TMEM130: variants seen among roughly 807,000 people sequenced by gnomAD.
TMEM130 encodes the protein transmembrane protein 130.
TMEM130 carries 37 observed loss-of-function variants against 42.9 expected under a neutral mutation model. The observed-to-expected ratio is 0.86, with a 90% CI of 0.66 to 1.13. TMEM130 has a LOEUF of 1.13. Among genes scored for constraint, TMEM130 ranks in the 50% most tolerant of loss-of-function variants. The probability of loss-of-function intolerance (pLI) is 0.00; values close to 1 mark genes in which losing one functional copy is unlikely to be tolerated. For missense variants in TMEM130, 545 were observed against 562.6 expected (o/e 0.97, Z 0.32); for synonymous variants, 259 against 237.7 (o/e 1.09, Z -0.82).
At chr7:98,849,785 C>T (rs1195839398) in intron 6 of TMEM130, among the ~76,000 whole-genome samples, 4 of 152,122 alleles carry the variant, frequency 2.6e-5, no homozygotes, top group African/African-American at 9.7e-5. Flanking sequence ...AGTCTTGTTG[C>T]CTCCCTGTGC....
At chr7:98,864,570 C>A (rs1367686644) in intron 1 of TMEM130, among the ~76,000 whole-genome samples, 4 of 151,878 alleles carry the variant, frequency 2.6e-5, no homozygotes, top group African/African-American at 9.7e-5. Context: ...TGGATTCCTC[C>A]TCTCCTCACT....
At position 98,859,879 on chromosome 7, in the gene TMEM130, C is replaced by T. The variant is rs2116107107; in HGVS notation, c.551+300G>A. ...TAGCCTGGCCAACATGGTGAAACCC[C>T]ATCTCTACTAAAAAAAATAAAAATA... is the stretch of plus-strand genomic sequence containing the variant. On this transcript the variant is annotated intron_variant, in intron 3 of 7. Transcript: ENST00000339375. 2.0e-5 allele frequency among the ~76,000 whole-genome samples: 3 copies of T among 151,632 alleles called. No homozygotes were observed. The East Asian group carries it at 5.8e-4, about 29-fold the overall frequency.
intron 5 of TMEM130, among the ~76,000 whole-genome samples, chr7:98,852,570 GTTTT>G (rs1334707185): frequency 1.3e-5 from 2 of 151,706 alleles, no homozygotes; most frequent in African/African-American, 4.8e-5. Flanking sequence ...TGAGAGAGTT[GTTTT>G]TTGTTTGTTT....
chr7:98,851,901 T>C (rs976382005), intron 5 of TMEM130, among the ~76,000 whole-genome samples: 1 of 152,110 alleles, frequency 6.6e-6, no homozygotes, highest in Non-Finnish European at 1.5e-5. Flanking sequence ...ATGGCACACA[T>C]GGTGTACCAT....
chr7:98,853,089 C>T (rs1405897782), intron 5 of TMEM130, among the ~76,000 whole-genome samples: 1 of 152,146 alleles, frequency 6.6e-6, no homozygotes, highest in Non-Finnish European at 1.5e-5. Context: ...ATGAGCATTC[C>T]AATTCCACAC....
Position 98,863,123 on chromosome 7 carries a change from G to A in TMEM130, c.363C>T (p.Ala121=). Residue 121 remains alanine, a synonymous_variant, in exon 2 of 8, where the codon GCC becomes GCT. Coordinates refer to ENST00000339375, the MANE Select transcript of TMEM130 (RefSeq NM_152913.3). The part of the protein sequence containing the change: ...AADCWMCQPV[A]RGFVVLPITE... ...TGATGGGGAGGACCACAAAGCCCCT[G>A]GCCACAGGCTGGCACATCCAGCAGT... 6.2e-7 allele frequency: 1 copy of A among 1,613,616 alleles called. No individual in the cohort carries two copies. Among genetic ancestry groups the A allele is most frequent in the Non-Finnish European group, 8.5e-7 (1 of 1,179,950 alleles).
chr7:98,850,963 G>A (rs965249268), intron 6 of TMEM130, among the ~76,000 whole-genome samples: 9 of 152,166 alleles, frequency 5.9e-5, no homozygotes, highest in Non-Finnish European at 1.0e-4. Context: ...GCTGGCATTG[G>A]GGCAGGTGGT....
At chr7:98,851,161 G>A (rs183315770) in intron 6 of TMEM130, among the ~76,000 whole-genome samples, 6 of 152,222 alleles carry the variant, frequency 3.9e-5, no homozygotes, top group African/African-American at 7.2e-5. Flanking sequence ...TGGTAGAATC[G>A]ATGGGTGCCA....
At position 98,848,040 on chromosome 7, in the gene TMEM130, TGGGGA is replaced by T; in HGVS notation, c.*11_*15del. The T allele has an allele frequency of 1.2e-6, 2 of 1,604,624 alleles. No homozygotes were observed. The highest frequency in any genetic ancestry group is 1.7e-6 in the Non-Finnish European group (2 of 1,174,714). ...GCAGTCAGTTAACACTGAGATGGGG[TGGGGA>T]GGGGGAGTGCTCACACGGTGTAAGT... On this transcript the variant is annotated 3_prime_UTR_variant, in exon 8 of 8. Coordinates refer to ENST00000339375, the MANE Select transcript of TMEM130 (RefSeq NM_152913.3).
intron 5 of TMEM130, among the ~76,000 whole-genome samples, chr7:98,852,415 C>G (rs1475044393): frequency 1.3e-5 from 2 of 152,144 alleles, no homozygotes; most frequent in Non-Finnish European, 2.9e-5. Context: ...CAGGCGTGAG[C>G]CACTGCGCCT....
chr7:98,850,288 T>TTTTTTA (rs1554398034), intron 6 of TMEM130, among the ~76,000 whole-genome samples: 1 of 112,530 alleles, frequency 8.9e-6, no homozygotes, highest in African/African-American at 3.0e-5. Flanking sequence ...TTTTTTTTTT[T>TTTTTTA]AATTTTTTGA....
At position 98,863,200 on chromosome 7, in the gene TMEM130, C is replaced by A. The variant is rs782779573; in HGVS notation, c.286G>T (p.Val96Phe). ...GGGAATTCCCCGGGCACGTGGCCGA[C>A]CACACGGATGGTGGAGCTGAGACCC... ...EKGLSSTIRV[V>F]GHVPGEFPVS... Residue 96 changes from valine (V) to phenylalanine (F), a missense_variant, in exon 2 of 8, where the codon GTC (valine) becomes TTC (phenylalanine). Physicochemically the swap from Val to Phe is conservative, Grantham distance 50. Transcript: ENST00000339375. The A allele has an allele frequency of 4.2e-5, 68 of 1,614,004 alleles. No individual in the cohort carries two copies. Among genetic ancestry groups the A allele is most frequent in the Non-Finnish European group, 5.3e-5 (63 of 1,180,032 alleles).
Position 98,856,173 on chromosome 7 carries a change from C to G in TMEM130, c.562G>C (p.Val188Leu), listed in dbSNP as rs782543792. The G allele has an allele frequency of 1.2e-6, 2 of 1,613,640 alleles. No homozygotes were observed. The highest frequency in any genetic ancestry group is 1.7e-6 in the Non-Finnish European group (2 of 1,179,912). ...SWDFGDGTQM[V>L]TEDSVVYYNY... Reference sequence around the variant, plus strand: ...TAATAGACCACGGAGTCTTCAGTCACCATCTGGGTCCTGTTAGGAGACAGG... The same window carrying G: ...TAATAGACCACGGAGTCTTCAGTCAGCATCTGGGTCCTGTTAGGAGACAGG... The change falls in exon 4 of 8, where the codon GTG becomes CTG. Residue 188 changes from valine (V) to leucine (L), a missense_variant. Transcript: ENST00000339375.
At chr7:98,856,327 A>G (rs139565339) in intron 3 of TMEM130, 144 bp from the exon 4 acceptor site, 2 of 794,248 alleles carry the variant, frequency 2.5e-6, no homozygotes, top group East Asian at 5.2e-5. Context: ...CACACCTGTC[A>G]TCACAGCCTA....
Position 98,869,735 on chromosome 7 carries a change from C to A in TMEM130, c.85+42G>T. On this transcript the variant is annotated intron_variant, in intron 1 of 7. Transcript: ENST00000339375. This position sits in a 1 kb window ranked among gnomAD's most constrained non-coding sequence, Gnocchi z 4.7. ...CGCTGAGACGGTTCCAGGCCCCGGGCGGGCTGCGGCTGCAGGGAGGCCGGA... is the reference window on the plus strand; with the variant it reads ...CGCTGAGACGGTTCCAGGCCCCGGGAGGGCTGCGGCTGCAGGGAGGCCGGA... The A allele has an allele frequency of 1.5e-6, 2 of 1,315,308 alleles. No individual in the cohort carries two copies. Among genetic ancestry groups the A allele is most frequent in the Non-Finnish European group, 2.0e-6 (2 of 1,023,090 alleles). 81.5% of individuals were successfully genotyped at this position (1,315,308 alleles called of 1,614,324 possible).
Position 98,847,540 on chromosome 7 carries a change from GT to G in TMEM130, c.*515del. ...TGTGTGTGTGTGTGTGTGTGTGTGTGTGGTGTGTGTACATGCACACTTCTCT... is the reference window on the plus strand; with the variant it reads ...TGTGTGTGTGTGTGTGTGTGTGTGTGGGTGTGTGTACATGCACACTTCTCT... On this transcript the variant is annotated 3_prime_UTR_variant, in exon 8 of 8. Coordinates refer to ENST00000339375, the MANE Select transcript of TMEM130 (RefSeq NM_152913.3). 1 of 149,500 alleles carries G rather than the reference GT, an allele frequency of 6.7e-6. No homozygotes were observed. Among genetic ancestry groups the G allele is most frequent in the African/African-American group, 2.5e-5 (1 of 39,926 alleles). The allele number at this position is 149,500 out of a possible 1,614,324, so 9.3% of individuals were successfully genotyped here. A position where few individuals can be genotyped will look rare whatever the true frequency, so the allele number is the denominator to read the frequency against.
chr7:98,851,566 C>T lies in TMEM130; in HGVS notation c.861G>A (p.Gly287=). 1 of 1,613,934 alleles carries T rather than the reference C, an allele frequency of 6.2e-7. No homozygotes were observed. The highest frequency in any genetic ancestry group is 8.5e-7 in the Non-Finnish European group (1 of 1,179,924). The change falls in exon 6 of 8, where the codon GGG becomes GGA. Residue 287 remains glycine (G), a synonymous_variant. Transcript: ENST00000339375. ...TGGCCACGGACACAGGGTGGCACTC[C>T]CCTTCCTCCAGCGGGAGGCACTCAG... is the stretch of plus-strand genomic sequence containing the variant. ...LKPECLPLEE[G]ECHPVSVAST...
rs1350491747 is a variant in TMEM130, at chr7:98,869,088, T to G, written c.85+689A>C. On this transcript the variant is annotated intron_variant, in intron 1 of 7. Coordinates refer to ENST00000339375, the MANE Select transcript of TMEM130 (RefSeq NM_152913.3). This position sits in a 1 kb window ranked among gnomAD's most constrained non-coding sequence, Gnocchi z 4.7. Reference sequence around the variant, plus strand: ...TCCCTCGAATAGTCTTAAATCTGGGTCCTTTTATGGTTCCCAAAATGTGGC... The same window carrying G: ...TCCCTCGAATAGTCTTAAATCTGGGGCCTTTTATGGTTCCCAAAATGTGGC... 1.0e-6 allele frequency: 1 copy of G among 972,242 alleles called. No homozygotes were observed. The highest frequency in any genetic ancestry group is 3.5e-5 in the Admixed American group (1 of 28,476). The allele number at this position is 972,242 out of a possible 1,614,324, so 60.2% of individuals were successfully genotyped here. A position where few individuals can be genotyped will look rare whatever the true frequency, so the allele number is the denominator to read the frequency against.
At chr7:98,850,288 T>TTTTTTTTTTTTTTTA (rs1554398034) in intron 6 of TMEM130, among the ~76,000 whole-genome samples, 4 of 112,522 alleles carry the variant, frequency 3.6e-5, no homozygotes, top group African/African-American at 1.2e-4. Context: ...TTTTTTTTTT[T>TTTTTTTTTTTTTTTA]AATTTTTTGA....
Sources: allele counts gnomAD v4.1 joint callset (sites outside exome capture counted in the v4.1 genomes callset), GRCh38; gene constraint gnomAD v4.1.1; non-coding constraint Gnocchi (gnomAD v3.1); transcripts MANE v1.5; gene names NCBI Gene and HGNC (gene_info 2026-07-23, HGNC 2026-07-21).